ATP6V1C2: variants seen among roughly 807,000 people sequenced by gnomAD.
ATP6V1C2 encodes the protein V-type proton ATPase subunit C 2.
A neutral mutation model predicts 56.8 loss-of-function variants in ATP6V1C2; 45 were observed. That is an observed-to-expected ratio of 0.79 (90% CI 0.62 to 1.02). The LOEUF (loss-of-function observed/expected upper bound fraction) is 1.02, where lower values mean the gene tolerates loss of function less well. Among genes scored for constraint, ATP6V1C2 ranks in the 50% least tolerant of loss-of-function variants. The pLI, the probability that ATP6V1C2 is intolerant of heterozygous loss-of-function variation, is 0.00. For synonymous variants in ATP6V1C2, 220 were observed against 201.3 expected (o/e 1.09, Z -0.79); for missense variants, 463 against 519.7 (o/e 0.89, Z 1.06).
intron 5 of ATP6V1C2, among the ~76,000 whole-genome samples, chr2:10,764,758 T>C (rs1664122985): frequency 6.6e-6 from 1 of 152,092 alleles, no homozygotes; most frequent in African/African-American, 2.4e-5. Context: ...GATCATGAGG[T>C]CAGGAGTTCG....
At chr2:10,736,037 A>G (rs1662226320) in intron 3 of ATP6V1C2, among the ~76,000 whole-genome samples, 1 of 152,122 alleles carries the variant, frequency 6.6e-6, no homozygotes, top group Non-Finnish European at 1.5e-5. Context: ...ACGTTAACTC[A>G]CGGCTCTCAA....
intron 4 of ATP6V1C2, among the ~76,000 whole-genome samples, chr2:10,755,038 A>G (rs999492408): frequency 3.3e-5 from 5 of 151,194 alleles, no homozygotes; most frequent in African/African-American, 1.2e-4. Context: ...ATTTTTTGAG[A>G]CGGAGTTTTT....
chr2:10,725,772 G>A (rs1661606770), intron 2 of ATP6V1C2, among the ~76,000 whole-genome samples: 2 of 151,478 alleles, frequency 1.3e-5, no homozygotes, highest in African/African-American at 4.8e-5. Context: ...GTTAATAACA[G>A]CAAAGAACAG....
chr2:10,758,541 G>A (rs986091146), intron 4 of ATP6V1C2, among the ~76,000 whole-genome samples: 3 of 152,092 alleles, frequency 2.0e-5, no homozygotes, highest in Non-Finnish European at 2.9e-5. Flanking sequence ...CCCTGTGGTT[G>A]TGCCTGTCCA....
intron 4 of ATP6V1C2, among the ~76,000 whole-genome samples, chr2:10,756,924 A>G (rs1432124975): frequency 6.7e-6 from 1 of 149,864 alleles, no homozygotes; most frequent in Admixed American, 6.7e-5. Flanking sequence ...TTTACACTAT[A>G]TGTTTATAAT....
chr2:10,776,995 CA>C (rs1163679596), intron 10 of ATP6V1C2, among the ~76,000 whole-genome samples: 1 of 152,232 alleles, frequency 6.6e-6, no homozygotes, highest in Non-Finnish European at 1.5e-5. Context: ...AAACGTCTTG[CA>C]TCCTTTTTGT....
At chr2:10,772,508 CA>C in intron 7 of ATP6V1C2, 33 bp from the exon 8 acceptor site, 1 of 1,594,196 alleles carries the variant, frequency 6.3e-7, no homozygotes, top group Non-Finnish European at 8.6e-7. Flanking sequence ...GCCTTTTCTG[CA>C]AAAAATCACG....
At chr2:10,760,430 C>T (rs910062024) in intron 4 of ATP6V1C2, among the ~76,000 whole-genome samples, 4 of 152,036 alleles carry the variant, frequency 2.6e-5, no homozygotes, top group African/African-American at 9.7e-5. Context: ...ACATTCTTTC[C>T]AAAGGCAGGG....
rs548764891 is a variant in ATP6V1C2 at position 10,763,536 on chromosome 2, T to C, written c.284-795T>C. ...TCATGCACCAGGATAGACCAGGAAG[T>C]GTAGGTGCACAGGGAGCCTAGGCTG... On this transcript the variant is annotated intron_variant, in intron 4 of 13. Transcript: ENST00000272238. This position sits in a 1 kb window ranked among gnomAD's most constrained non-coding sequence, Gnocchi z 4.2. Among the ~76,000 whole-genome samples, 61 of 152,082 alleles carry C rather than the reference T, an allele frequency of 4.0e-4. No individual in the cohort carries two copies. The highest frequency in any genetic ancestry group is 1.2e-3 in the South Asian group (6 of 4,812).
chr2:10,769,345 C>A lies in ATP6V1C2; in HGVS notation c.470+535C>A, dbSNP rs1664438942. 2.0e-5 allele frequency among the ~76,000 whole-genome samples: 3 copies of A among 152,314 alleles called. No homozygotes were observed. In the South Asian group the frequency reaches 6.2e-4, roughly 32 times the overall value. Reference sequence around the variant, plus strand: ...GAGATGCCAGAGAAAAGTGTAAGCTCAGCAACACCGTGGCAGGGACTGTCT... The same window carrying A: ...GAGATGCCAGAGAAAAGTGTAAGCTAAGCAACACCGTGGCAGGGACTGTCT... On this transcript the variant is annotated intron_variant, in intron 6 of 13. Transcript: ENST00000272238.
At chr2:10,775,745 C>T (rs1174016675) in intron 10 of ATP6V1C2, among the ~76,000 whole-genome samples, 1 of 152,146 alleles carries the variant, frequency 6.6e-6, no homozygotes, top group Non-Finnish European at 1.5e-5. Flanking sequence ...CTTCCATACT[C>T]AGGTTCTCCT....
At chr2:10,768,843 G>T (rs1558417700) in intron 6 of ATP6V1C2, 33 bp downstream of exon 6, 1 of 1,576,380 alleles carries the variant, frequency 6.3e-7, no homozygotes, top group South Asian at 1.1e-5. Flanking sequence ...ATCTGGCGGG[G>T]GCAGGTCCTG....
intron 4 of ATP6V1C2, chr2:10,757,502 G>A (rs561235983): frequency 1.5e-4 from 61 of 398,520 alleles, no homozygotes; most frequent in African/African-American, 6.6e-4. Context: ...CGTGATGCCC[G>A]CATGTCCCGG....
intron 12 of ATP6V1C2, among the ~76,000 whole-genome samples, chr2:10,781,456 T>A (rs1665349083): frequency 6.6e-6 from 1 of 151,932 alleles, no homozygotes; most frequent in South Asian, 2.1e-4. Flanking sequence ...CCAGCCTGCG[T>A]GACAGAGCGA....
chr2:10,724,299 C>T (rs945150441), intron 2 of ATP6V1C2, among the ~76,000 whole-genome samples: 3 of 152,148 alleles, frequency 2.0e-5, no homozygotes, highest in African/African-American at 7.2e-5. Flanking sequence ...TGTAATGCTA[C>T]CCCATTTGCT....
chr2:10,771,439 C>T (rs1197719014), intron 6 of ATP6V1C2, among the ~76,000 whole-genome samples: 1 of 152,208 alleles, frequency 6.6e-6, no homozygotes, highest in Non-Finnish European at 1.5e-5. Flanking sequence ...TCAACGCAGC[C>T]CTAAGAGCTG....
intron 8 of ATP6V1C2, among the ~76,000 whole-genome samples, chr2:10,773,685 G>T (rs1430979827): frequency 6.6e-6 from 1 of 152,152 alleles, no homozygotes; most frequent in African/African-American, 2.4e-5. Context: ...ACCCAGCTTG[G>T]TACTCATTTT....
At position 10,779,426 on chromosome 2, in the gene ATP6V1C2, A is replaced by AT. The variant is rs1382014572; in HGVS notation, c.1061+757_1061+758insT. Among the ~76,000 whole-genome samples, 1,084 of 112,014 alleles carry AT rather than the reference A, an allele frequency of 9.7e-3. 12 individuals carry two copies. The highest frequency in any genetic ancestry group is 0.024 in the African/African-American group (812 of 33,272). 73.5% of individuals were successfully genotyped at this position (112,014 alleles called of 152,430 possible). On this transcript the variant is annotated intron_variant, in intron 12 of 13. Coordinates refer to ENST00000272238, the MANE Select transcript of ATP6V1C2 (RefSeq NM_001039362.2). ...GCCCGGCCTTTGCCTAATAAAAAAA[A>AT]AAATATATATATATATGTATGTATA...
chr2:10,757,162 G>A (rs146004635), intron 4 of ATP6V1C2, among the ~76,000 whole-genome samples: 3,217 of 151,820 alleles, frequency 0.021, 54 homozygotes, highest in Non-Finnish European at 0.032. Context: ...ACAGGCACCC[G>A]CCACCACACA....
Sources: allele counts gnomAD v4.1 joint callset (sites outside exome capture counted in the v4.1 genomes callset), GRCh38; gene constraint gnomAD v4.1.1; non-coding constraint Gnocchi (gnomAD v3.1); transcripts MANE v1.5; gene names NCBI Gene and HGNC (gene_info 2026-07-23, HGNC 2026-07-21).